SMYD3: variants seen among roughly 807,000 people sequenced by gnomAD.
The protein encoded by SMYD3 is SET and MYND domain containing 3.
SMYD3 carries 36 observed loss-of-function variants against 57.7 expected under a neutral mutation model. The ratio of observed to expected loss-of-function variants is 0.62; its 90% confidence interval spans 0.48 to 0.82. The LOEUF (loss-of-function observed/expected upper bound fraction) is 0.82. SMYD3 is among the 40% of genes least tolerant of loss of function. SMYD3 has a pLI of 0.00. For synonymous variants in SMYD3, 211 were observed against 195.0 expected, an observed-to-expected ratio of 1.08 and a Z score of -0.68; for missense variants, 515 against 538.8, an observed-to-expected ratio of 0.96 and a Z score of 0.44.
At chr1:246,100,705 G>A (rs2060994136) in intron 5 of SMYD3, among the ~76,000 whole-genome samples, 1 of 152,022 alleles carries the variant, frequency 6.6e-6, no homozygotes, top group Non-Finnish European at 1.5e-5. Flanking sequence ...TTATATTCCT[G>A]AGCATCCTGG....
At chr1:246,273,787 G>A (rs2064277465) in intron 5 of SMYD3, among the ~76,000 whole-genome samples, 1 of 151,622 alleles carries the variant, frequency 6.6e-6, no homozygotes, top group Admixed American at 6.6e-5. Flanking sequence ...GTTTCACCAT[G>A]TTGGCCAGGC....
chr1:246,487,433 C>T (rs1425905164), intron 1 of SMYD3, among the ~76,000 whole-genome samples: 3 of 151,760 alleles, frequency 2.0e-5, no homozygotes, highest in African/African-American at 7.3e-5. Flanking sequence ...GCACTCCAGC[C>T]TGGGCAACAG....
In SMYD3 at chr1:246,072,767, C is replaced by G. The variant is rs140385049; in HGVS notation, c.532-142830G>C. 7.3e-3 allele frequency among the ~76,000 whole-genome samples: 1,113 copies of G among 151,744 alleles called. 10 individuals are homozygous for G. The highest frequency in any genetic ancestry group is 0.038 in the South Asian group (180 of 4,776). ...GCCTTGGGTCCAGAGGGAACAAACA[C>G]AGATGGTAAACTGCTTTCTCTCTGA... is the stretch of plus-strand genomic sequence containing the variant. On this transcript the variant is annotated intron_variant, in intron 5 of 11. Transcript: ENST00000490107.
In SMYD3 at chr1:245,979,010, A is replaced by G. The variant is rs534437303; in HGVS notation, c.532-49073T>C. 9.0e-4 allele frequency among the ~76,000 whole-genome samples: 137 copies of G among 152,334 alleles called. 1 individual carries two copies. The highest frequency in any genetic ancestry group is 3.2e-3 in the African/African-American group (132 of 41,576). On this transcript the variant is annotated intron_variant, in intron 5 of 11. Coordinates refer to ENST00000490107, the MANE Select transcript of SMYD3 (RefSeq NM_001167740.2). ...TAAAAGCATGTGACTACTACCGTAT[A>G]TCAGAGAGCCCTTTTATGGAACGTG...
chr1:246,489,388 T>C (rs993120304), intron 1 of SMYD3, among the ~76,000 whole-genome samples: 5 of 152,114 alleles, frequency 3.3e-5, no homozygotes, highest in Admixed American at 2.6e-4. Flanking sequence ...CAATGCAATA[T>C]TTCAGGTACT....
chr1:246,479,502 ATTTTTTTTTT>A (rs35818746), intron 1 of SMYD3, among the ~76,000 whole-genome samples: 1 of 107,634 alleles, frequency 9.3e-6, no homozygotes, highest in Non-Finnish European at 1.8e-5. Context: ...AAAAAGCGGG[ATTTTTTTTTT>A]TTTTTTTTTT....
rs904272193 is a variant in SMYD3 at position 246,410,286 on chromosome 1, A to G, written c.165-55192T>C. ...GAATGCTTCCAGTTTTTGTCCATTC[A>G]GTATGATATTGGCTGTGGGTTTGTC... On this transcript the variant is annotated intron_variant, in intron 1 of 11. Coordinates refer to ENST00000490107, the MANE Select transcript of SMYD3 (RefSeq NM_001167740.2). Among the ~76,000 whole-genome samples, 4 of 152,312 alleles carry G rather than the reference A, an allele frequency of 2.6e-5. No homozygotes were observed. In the East Asian group the frequency reaches 7.7e-4, roughly 29 times the overall value.
intron 1 of SMYD3, among the ~76,000 whole-genome samples, chr1:246,437,295 G>A (rs2067395191): frequency 6.6e-6 from 1 of 152,172 alleles, no homozygotes. Context: ...AAGCCTACAG[G>A]TGGGTATGAA....
intron 5 of SMYD3, among the ~76,000 whole-genome samples, chr1:246,079,364 C>A (rs1357034839): frequency 6.6e-6 from 1 of 152,190 alleles, no homozygotes; most frequent in East Asian, 1.9e-4. Context: ...TTGAAAAGAA[C>A]TCTGACTCTA....
At chr1:246,054,358 T>G (rs894413691) in intron 5 of SMYD3, among the ~76,000 whole-genome samples, 7 of 152,230 alleles carry the variant, frequency 4.6e-5, no homozygotes, top group Non-Finnish European at 8.8e-5. Context: ...AAAGCAGTCT[T>G]GTAGTTTTTT....
intron 5 of SMYD3, chr1:245,930,878 T>C (rs1413163988): frequency 2.0e-5 from 3 of 152,158 alleles, no homozygotes; most frequent in Non-Finnish European, 1.5e-5. Context: ...AAGAAAGCTC[T>C]TTAGGATGAG....
At chr1:246,256,902 G>GC (rs756816468) in intron 5 of SMYD3, among the ~76,000 whole-genome samples, 5 of 151,916 alleles carry the variant, frequency 3.3e-5, no homozygotes, top group Non-Finnish European at 7.4e-5. Context: ...TTTTATTTCT[G>GC]CCTTAATTTC....
intron 5 of SMYD3, among the ~76,000 whole-genome samples, chr1:246,301,835 G>C (rs1027146092): frequency 1.1e-4 from 16 of 152,266 alleles, no homozygotes; most frequent in African/African-American, 3.9e-4. Context: ...ATACAAAGCA[G>C]AATATTATAC....
intron 11 of SMYD3, among the ~76,000 whole-genome samples, chr1:245,763,478 A>G (rs2045942567): frequency 6.6e-6 from 1 of 152,200 alleles, no homozygotes. Context: ...TGATGCGGAG[A>G]GCACTTAAGG....
At chr1:246,194,891 C>A (rs1018695376) in intron 5 of SMYD3, among the ~76,000 whole-genome samples, 1 of 152,122 alleles carries the variant, frequency 6.6e-6, no homozygotes, top group Non-Finnish European at 1.5e-5. Context: ...ACATTGGGTC[C>A]CTCGTACAAT....
intron 1 of SMYD3, among the ~76,000 whole-genome samples, chr1:246,411,535 T>C (rs1450266749): frequency 6.6e-5 from 10 of 152,136 alleles, no homozygotes; most frequent in Non-Finnish European, 1.3e-4. Context: ...CATATGTTTA[T>C]TGTGGCACTA....
At chr1:246,457,061 G>C (rs2067709613) in intron 1 of SMYD3, among the ~76,000 whole-genome samples, 1 of 152,064 alleles carries the variant, frequency 6.6e-6, no homozygotes, top group Admixed American at 6.6e-5. Flanking sequence ...TCCATCTCTT[G>C]AGTAGACTTT....
intron 5 of SMYD3, among the ~76,000 whole-genome samples, chr1:246,133,230 T>G (rs2061614385): frequency 6.6e-6 from 1 of 151,952 alleles, no homozygotes; most frequent in Admixed American, 6.6e-5. Flanking sequence ...GAACATTTGA[T>G]TGAATAACTT....
chr1:246,216,048 G>A (rs982609765), intron 5 of SMYD3, among the ~76,000 whole-genome samples: 23 of 152,044 alleles, frequency 1.5e-4, no homozygotes, highest in African/African-American at 3.6e-4. Context: ...CCAGCACTTT[G>A]GGAGGCCAAC....
Sources: gnomAD v4.1 joint callset for allele counts (sites outside exome capture counted in the v4.1 genomes callset) on GRCh38, gnomAD v4.1.1 for gene constraint, MANE v1.5 for transcripts, NCBI Gene and HGNC (gene_info 2026-07-23, HGNC 2026-07-21) for gene names.